The following DBH variants were observed in gnomAD, a reference collection of about 807,000 sequenced individuals.
DBH encodes the protein dopamine beta-hydroxylase.
Under a neutral mutation model 64.0 loss-of-function variants are expected in DBH, and 49 were observed. That is an observed-to-expected ratio of 0.77 (90% CI 0.61 to 0.97). The LOEUF (loss-of-function observed/expected upper bound fraction) is 0.97. DBH is among the 50% of genes least tolerant of loss of function. DBH has a pLI of 0.00. For synonymous variants in DBH, 343 were observed against 347.1 expected, an observed-to-expected ratio of 0.99 and a Z score of 0.13; for missense variants, 828 against 826.6, an observed-to-expected ratio of 1.00 and a Z score of -0.02.
intron 1 of DBH, among the ~76,000 whole-genome samples, chr9:133,637,106 C>T (rs189967289): frequency 6.6e-6 from 1 of 152,206 alleles, no homozygotes; most frequent in East Asian, 1.9e-4. Context: ...GCACACATGC[C>T]CACTGATGTG....
chr9:133,645,720 G>A (rs545162546), intron 5 of DBH, among the ~76,000 whole-genome samples: 10 of 152,150 alleles, frequency 6.6e-5, no homozygotes, highest in Admixed American at 1.3e-4. Context: ...AAACAAGTAG[G>A]GAGATGGTTG....
intron 7 of DBH, 129 bp from the exon 8 acceptor site, chr9:133,652,117 G>A: frequency 1.9e-6 from 2 of 1,053,704 alleles, no homozygotes; most frequent in Non-Finnish European, 2.9e-6. Flanking sequence ...GGCTTCCACT[G>A]TAGAGGCTGG....
At chr9:133,644,394 C>A in intron 5 of DBH, 74 bp downstream of exon 5, 1 of 1,197,420 alleles carries the variant, frequency 8.4e-7, no homozygotes, top group Non-Finnish European at 1.2e-6. Flanking sequence ...CAAATCCCGC[C>A]CTTCGTCTGC....
rs765598818 is a variant in DBH at position 133,652,979 on chromosome 9, G to C, written c.1414G>C (p.Asp472His). Residue 472 changes from aspartate (D) to histidine (H), a missense_variant, in exon 9 of 12, where the codon GAC (aspartate) becomes CAC (histidine). Physicochemically the swap from Asp to His is moderately conservative, Grantham distance 81 (BLOSUM62 -1). Transcript: ENST00000393056. ...LITSCTYNTEDRELATVGGFG... is the reference protein window; with the variant it reads ...LITSCTYNTEHRELATVGGFG... ...CACCTCCTGCACGTACAACACAGAA[G>C]ACCGGGAGCTGGCCACAGTGGTAAG... is the stretch of plus-strand genomic sequence containing the variant. 1 of 1,613,498 alleles carries C rather than the reference G, an allele frequency of 6.2e-7. No individual in the cohort carries two copies.
chr9:133,650,654 TCTC>T (rs1832238612), intron 6 of DBH, among the ~76,000 whole-genome samples: 1 of 151,480 alleles, frequency 6.6e-6, no homozygotes, highest in Non-Finnish European at 1.5e-5. Flanking sequence ...TTCAAGTGAT[TCTC>T]CTGTCTCAGC....
At chr9:133,651,019 A>G (rs1420777886) in intron 6 of DBH, among the ~76,000 whole-genome samples, 1 of 152,184 alleles carries the variant, frequency 6.6e-6, no homozygotes, top group Non-Finnish European at 1.5e-5. Context: ...GCAGCACCCC[A>G]TGGTCACATC....
chr9:133,652,975 A>G lies in DBH; in HGVS notation c.1410A>G (p.Thr470=), dbSNP rs77905. 850,036 of 1,612,202 alleles carry G rather than the reference A, an allele frequency of 0.53. 229,337 individuals carry two copies. Among genetic ancestry groups the G allele is most frequent in the East Asian group, 0.9 (40,534 of 44,824 alleles). ...TCATCACCTCCTGCACGTACAACAC[A>G]GAAGACCGGGAGCTGGCCACAGTGG... is the stretch of plus-strand genomic sequence containing the variant. ...DVLITSCTYN[T]EDRELATVGG... is the part of the protein sequence containing the mutation. The change falls in exon 9 of 12, where the codon ACA becomes ACG. Residue 470 remains threonine, a synonymous_variant. Coordinates refer to ENST00000393056, the MANE Select transcript of DBH (RefSeq NM_000787.4).
At chr9:133,641,132 T>C (rs879873815) in intron 2 of DBH, among the ~76,000 whole-genome samples, 3 of 152,230 alleles carry the variant, frequency 2.0e-5, no homozygotes, top group Non-Finnish European at 2.9e-5. Context: ...TAAACAACTC[T>C]GGCCATCTGT....
Position 133,651,748 on chromosome 9 carries a change from C to G in DBH, c.1306C>G (p.Gln436Glu). ...CGGCCGGGAGTGGGAGATCGTGAAC[C>G]AGGACAATCACTACAGCCCTCACTT... ...RDGREWEIVN[Q>E]DNHYSPHFQE... Residue 436 changes from glutamine to glutamate, a missense_variant, in exon 7 of 12, where the codon CAG (glutamine) becomes GAG (glutamate). Gln to Glu is a conservative substitution (Grantham distance 29). Transcript: ENST00000393056. The G allele has an allele frequency of 1.9e-6, 3 of 1,612,650 alleles. No homozygotes were observed. The highest frequency in any genetic ancestry group is 2.5e-6 in the Non-Finnish European group (3 of 1,179,530).
chr9:133,650,143 C>G (rs947729365), intron 6 of DBH, among the ~76,000 whole-genome samples: 9 of 152,170 alleles, frequency 5.9e-5, no homozygotes, highest in African/African-American at 1.9e-4. Context: ...ACCCTTTGGG[C>G]TCCCAGGCCT....
At chr9:133,648,130 A>G in intron 6 of DBH, 118 bp downstream of exon 6, 1 of 1,215,930 alleles carries the variant, frequency 8.2e-7, no homozygotes, top group Non-Finnish European at 1.2e-6. Flanking sequence ...CCTGACCCTG[A>G]ATCCCCCTGC....
Position 133,656,633 on chromosome 9 carries a change from C to G in DBH, c.1545C>G (p.Tyr515Ter). 10 of 1,612,794 alleles carry G rather than the reference C, an allele frequency of 6.2e-6. No individual in the cohort carries two copies. Among genetic ancestry groups the G allele is most frequent in the Non-Finnish European group, 8.5e-6 (10 of 1,180,006 alleles). The change falls in exon 10 of 12, where the codon TAC becomes TAG. Residue 515 changes from tyrosine to a stop codon, truncating the protein, a stop_gained. Coordinates refer to ENST00000393056, the MANE Select transcript of DBH (RefSeq NM_000787.4). LOFTEE classifies it high-confidence loss of function. Reference sequence around the variant, plus strand: ...TGGACGCCGGCTTCCTGCAGAAGTACTTCCACCTCATCAACAGGTGAGGGC... The same window carrying G: ...TGGACGCCGGCTTCCTGCAGAAGTAGTTCCACCTCATCAACAGGTGAGGGC... Reference protein sequence around the residue: ...SAVDAGFLQKYFHLINRFNNE... With the variant: ...SAVDAGFLQK
chr9:133,644,844 T>C (rs763619551), intron 5 of DBH, among the ~76,000 whole-genome samples: 3 of 152,174 alleles, frequency 2.0e-5, no homozygotes, highest in Non-Finnish European at 4.4e-5. Flanking sequence ...GCTTTTAGCA[T>C]GGCAAGGCCA....
chr9:133,653,391 C>T lies in DBH; in HGVS notation c.1434+392C>T, dbSNP rs80115709. On this transcript the variant is annotated intron_variant, in intron 9 of 11. Transcript: ENST00000393056. ...TTTGCCCCGTGGAGCTCAAGGTGCA[C>T]CAGGGAGACAGGCCTGGAGCACCTG... Among the ~76,000 whole-genome samples, 568 of 152,210 alleles carry T rather than the reference C, an allele frequency of 3.7e-3. 6 individuals carry two copies. Among genetic ancestry groups the T allele is most frequent in the African/African-American group, 0.013 (534 of 41,516 alleles).
Position 133,643,724 on chromosome 9 carries a change from G to A in DBH, c.921+135G>A. 1 of 983,958 alleles carries A rather than the reference G, an allele frequency of 1.0e-6. No homozygotes were observed. The highest frequency in any genetic ancestry group is 1.5e-6 in the Non-Finnish European group (1 of 664,742). 61.0% of individuals were successfully genotyped at this position (983,958 alleles called of 1,614,324 possible). The stretch of plus-strand genomic sequence containing the variant: ...AGGGGGCTCACGAGGCCACCAGAAG[G>A]GCCAGGCCTGAGGTGGCCCCCTCGC... On this transcript the variant is annotated intron_variant, in intron 4 of 11. Coordinates refer to ENST00000393056, the MANE Select transcript of DBH (RefSeq NM_000787.4). The surrounding 1 kb of genome is among the most constrained non-coding windows in gnomAD (Gnocchi z 5.3).
intron 11 of DBH, among the ~76,000 whole-genome samples, chr9:133,657,774 C>G (rs1025044393): frequency 6.6e-6 from 1 of 152,180 alleles, no homozygotes; most frequent in Non-Finnish European, 1.5e-5. Context: ...GGGCTGTGGT[C>G]AGGAGGCCAG....
intron 6 of DBH, among the ~76,000 whole-genome samples, chr9:133,650,495 C>CT (rs1391656730): frequency 7.6e-5 from 10 of 131,010 alleles, no homozygotes; most frequent in South Asian, 2.5e-4. Flanking sequence ...TCTTTCTTTT[C>CT]TTTCCTTTCT....
chr9:133,643,287 C>A lies in DBH; in HGVS notation c.745-126C>A. 1 of 991,588 alleles carries A rather than the reference C, an allele frequency of 1.0e-6. No homozygotes were observed. Among genetic ancestry groups the A allele is most frequent in the Admixed American group, 2.0e-5 (1 of 50,384 alleles). The allele number at this position is 991,588 out of a possible 1,614,324, so 61.4% of individuals were successfully genotyped here. A position where few individuals can be genotyped will look rare whatever the true frequency, so the allele number is the denominator to read the frequency against. On this transcript the variant is annotated intron_variant, in intron 3 of 11. Coordinates refer to ENST00000393056, the MANE Select transcript of DBH (RefSeq NM_000787.4). The surrounding 1 kb of genome is among the most constrained non-coding windows in gnomAD (Gnocchi z 5.3). ...TCAAGGCTGTGAACCCCAGAAGTGC[C>A]CCTGAAATTGTCTGGATCATCCCTC...
At chr9:133,646,462 G>A (rs1042974971) in intron 5 of DBH, among the ~76,000 whole-genome samples, 4 of 152,322 alleles carry the variant, frequency 2.6e-5, no homozygotes, top group African/African-American at 4.8e-5. Flanking sequence ...TTTCAGGAAC[G>A]GTGGGGCTAC....
Sources: gnomAD v4.1 joint callset for allele counts (sites outside exome capture counted in the v4.1 genomes callset) on GRCh38, gnomAD v4.1.1 for gene constraint, Gnocchi (gnomAD v3.1) non-coding constraint, MANE v1.5 for transcripts, NCBI Gene and HGNC (gene_info 2026-07-23, HGNC 2026-07-21) for gene names.